SP140L: variants seen among roughly 807,000 people sequenced by gnomAD.
SP140L encodes the protein nuclear body protein SP140-like protein.
A neutral mutation model predicts 84.3 loss-of-function variants in SP140L; 64 were observed. The ratio of observed to expected loss-of-function variants is 0.76; its 90% CI spans 0.62 to 0.94. The LOEUF (loss-of-function observed/expected upper bound fraction) is 0.94, where lower values mean the gene tolerates loss of function less well. Among genes scored for constraint, SP140L ranks in the 40% least tolerant of loss-of-function variants. SP140L has a pLI of 0.00. For missense variants in SP140L, 628 were observed against 692.5 expected (o/e 0.91, Z 1.05); for synonymous variants, 242 against 236.9 (o/e 1.02, Z -0.20).
At chr2:230,381,898 A>G (rs760234472) in intron 7 of SP140L, among the ~76,000 whole-genome samples, 1 of 152,184 alleles carries the variant, frequency 6.6e-6, no homozygotes, top group South Asian at 2.1e-4. Context: ...CAGAGCACAC[A>G]AGGTGTTCGA....
intron 5 of SP140L, among the ~76,000 whole-genome samples, chr2:230,363,202 A>C (rs74269006): frequency 0.096 from 14,688 of 152,294 alleles, 888 homozygotes; most frequent in Middle Eastern, 0.15. Context: ...CTGATGGATC[A>C]TATGGCAGTT....
At chr2:230,351,973 G>C (rs2060378207) in intron 2 of SP140L, among the ~76,000 whole-genome samples, 1 of 152,120 alleles carries the variant, frequency 6.6e-6, no homozygotes, top group African/African-American at 2.4e-5. Flanking sequence ...GGGGTTTCTG[G>C]TTGCAAGCAC....
At chr2:230,374,849 A>G (rs1272694546) in intron 7 of SP140L, among the ~76,000 whole-genome samples, 1 of 152,254 alleles carries the variant, frequency 6.6e-6, no homozygotes, top group Non-Finnish European at 1.5e-5. Flanking sequence ...AGACTACAGT[A>G]TAGTATAAAC....
At chr2:230,351,729 C>T (rs963899176) in intron 2 of SP140L, among the ~76,000 whole-genome samples, 12 of 152,110 alleles carry the variant, frequency 7.9e-5, no homozygotes, top group African/African-American at 2.9e-4. Flanking sequence ...TTACTATAAC[C>T]CTGACCTCAC....
chr2:230,401,282 G>C, intron 16 of SP140L, 84 bp from the exon 17 acceptor site: 1 of 1,606,020 alleles, frequency 6.2e-7, no homozygotes, highest in Non-Finnish European at 8.5e-7. Context: ...TGAGGAAGAA[G>C]GGTGTGAGTC....
chr2:230,365,939 C>A (rs995013564), intron 5 of SP140L, among the ~76,000 whole-genome samples: 2 of 152,076 alleles, frequency 1.3e-5, no homozygotes, highest in African/African-American at 4.8e-5. Flanking sequence ...AATTAAAAAA[C>A]TCTTCTTGTT....
chr2:230,340,964 T>C (rs1331252482), intron 2 of SP140L, among the ~76,000 whole-genome samples: 2 of 141,058 alleles, frequency 1.4e-5, no homozygotes, highest in African/African-American at 2.7e-5. Flanking sequence ...CTGACAATTA[T>C]GTGTCTTGGA....
chr2:230,398,793 G>T (rs10188353), intron 14 of SP140L, among the ~76,000 whole-genome samples: 1 of 152,336 alleles, frequency 6.6e-6, no homozygotes, highest in African/African-American at 2.4e-5. Flanking sequence ...TGGGGGCTGC[G>T]CTCAGGAACA....
At chr2:230,348,424 G>A (rs1443154592) in intron 2 of SP140L, among the ~76,000 whole-genome samples, 1 of 152,148 alleles carries the variant, frequency 6.6e-6, no homozygotes, top group African/African-American at 2.4e-5. Context: ...CCATTCCAAT[G>A]AATGCATATT....
Position 230,371,622 on chromosome 2 carries a change from C to G in SP140L, c.608C>G (p.Ser203Cys). 1 of 1,607,308 alleles carries G rather than the reference C, an allele frequency of 6.2e-7. No homozygotes were observed. Among genetic ancestry groups the G allele is most frequent in the African/African-American group, 1.3e-5 (1 of 74,748 alleles). Reference protein sequence around the residue: ...KMDTVDIANNSTLGKPKRKRR... With the variant: ...KMDTVDIANNCTLGKPKRKRR... The stretch of plus-strand genomic sequence containing the variant: ...GATACTGTGGATATTGCAAACAACT[C>G]TACTTTGGGAAAACCCAAGAGGAAA... Residue 203 changes from serine to cysteine, a missense_variant, in exon 7 of 19, where the codon TCT becomes TGT. Physicochemically the swap from Ser to Cys is moderately radical, Grantham distance 112 (BLOSUM62 -1). Coordinates refer to ENST00000415673, the MANE Select transcript of SP140L (RefSeq NM_138402.6).
chr2:230,334,920 C>T (rs1225135372), intron 2 of SP140L, among the ~76,000 whole-genome samples: 4 of 151,988 alleles, frequency 2.6e-5, no homozygotes, highest in Non-Finnish European at 5.9e-5. Flanking sequence ...CAGTTTTTAT[C>T]ATTTATATTG....
rs985276575 is a variant in SP140L at position 230,385,307 on chromosome 2, A to G, written c.784+3A>G. On this transcript the variant is annotated splice_donor_region_variant and intron_variant, in intron 9 of 18. Transcript: ENST00000415673. ...GAAAGACCTTTCCAAGATTAGGGGT[A>G]AGATAAAGTTGGTACCACTTTTCAT... is the stretch of plus-strand genomic sequence containing the variant. The G allele has an allele frequency of 3.7e-6, 6 of 1,613,354 alleles. No individual in the cohort carries two copies. The highest frequency in any genetic ancestry group is 3.3e-5 in the Admixed American group (2 of 59,994).
intron 14 of SP140L, among the ~76,000 whole-genome samples, chr2:230,399,281 A>C (rs1457669445): frequency 6.6e-6 from 1 of 152,238 alleles, no homozygotes; most frequent in Non-Finnish European, 1.5e-5. Context: ...AATTTCCCCA[A>C]ATGAAATTAA....
chr2:230,353,864 T>C lies in SP140L; in HGVS notation c.108-3941T>C, dbSNP rs2060439915. 2.0e-5 allele frequency among the ~76,000 whole-genome samples: 3 copies of C among 152,166 alleles called. No homozygotes were observed. In the South Asian group the frequency reaches 6.2e-4, roughly 31 times the overall value. ...TATTTTCAGAGTTTCATAGGTTTTA[T>C]AAGATCTGATTTCACTCAATCAGTA... On this transcript the variant is annotated intron_variant, in intron 2 of 18. Coordinates refer to ENST00000415673, the MANE Select transcript of SP140L (RefSeq NM_138402.6).
At chr2:230,362,266 A>G (rs549999573) in intron 5 of SP140L, among the ~76,000 whole-genome samples, 4 of 152,326 alleles carry the variant, frequency 2.6e-5, no homozygotes, top group Admixed American at 1.3e-4. Flanking sequence ...GTTGTTATGC[A>G]TAACAGGAAG....
chr2:230,358,582 G>T (rs1274019337), intron 3 of SP140L, among the ~76,000 whole-genome samples: 1 of 152,144 alleles, frequency 6.6e-6, no homozygotes, highest in Non-Finnish European at 1.5e-5. Context: ...AGCCCTTCAG[G>T]CCAAATCAGT....
intron 2 of SP140L, among the ~76,000 whole-genome samples, chr2:230,357,067 C>T (rs1363694629): frequency 6.6e-6 from 1 of 152,142 alleles, no homozygotes; most frequent in Non-Finnish European, 1.5e-5. Context: ...AGAGCAATAA[C>T]ATGATCAACT....
Position 230,371,789 on chromosome 2 carries a change from AC to A in SP140L, c.637+139del, listed in dbSNP as rs1360594113. 13 of 760,792 alleles carry A rather than the reference AC, an allele frequency of 1.7e-5. No homozygotes were observed. In the African/African-American group the frequency reaches 2.1e-4, roughly 12 times the overall value. The allele number at this position is 760,792 out of a possible 1,614,324, so 47.1% of individuals were successfully genotyped here. On this transcript the variant is annotated intron_variant, in intron 7 of 18. Transcript: ENST00000415673. ...GAGAGAATGATGGCCACCCCAAAAA[AC>A]GTCCACCTCCTAATCCCTGGACCTG... is the stretch of plus-strand genomic sequence containing the variant.
At position 230,383,761 on chromosome 2, in the gene SP140L, A is replaced by G. The variant is rs187298078; in HGVS notation, c.703+186A>G. Among the ~76,000 whole-genome samples, 48 of 152,298 alleles carry G rather than the reference A, an allele frequency of 3.2e-4. 1 individual carries two copies. The highest frequency in any genetic ancestry group is 2.6e-3 in the Admixed American group (40 of 15,300). ...CAATGGCTTCAACAAAATGGTTTCT[A>G]ATGCATGTAATAGTCCAGAGGCCCA... On this transcript the variant is annotated intron_variant, in intron 8 of 18. Transcript: ENST00000415673.
Sources: gnomAD v4.1 joint callset for allele counts (sites outside exome capture counted in the v4.1 genomes callset) on GRCh38, gnomAD v4.1.1 for gene constraint, MANE v1.5 for transcripts, NCBI Gene and HGNC (gene_info 2026-07-23, HGNC 2026-07-21) for gene names.